The following DPP6 variants were observed in gnomAD, a reference collection of about 807,000 sequenced individuals.
DPP6 encodes dipeptidyl peptidase like 6.
A neutral mutation model predicts 122.6 loss-of-function variants in DPP6; 69 were observed. The ratio of observed to expected loss-of-function variants is 0.56; its 90% confidence interval spans 0.46 to 0.69. The LOEUF is 0.69. Among genes scored for constraint, DPP6 ranks in the 30% least tolerant of loss-of-function variants. The pLI is 0.00. For synonymous variants in DPP6, 418 were observed against 433.1 expected (o/e 0.97, Z 0.43); for missense variants, 928 against 1,116.9 (o/e 0.83, Z 2.41).
intron 16 of DPP6, among the ~76,000 whole-genome samples, chr7:154,814,150 G>T (rs1799266537): frequency 6.6e-6 from 1 of 151,860 alleles, no homozygotes; most frequent in Non-Finnish European, 1.5e-5. Flanking sequence ...CAAAGTACTG[G>T]GATTACAGGC....
chr7:153,759,464 G>A, the DPP6 span, among the ~76,000 whole-genome samples: 2 of 152,000 alleles, frequency 1.3e-5, no homozygotes, highest in Non-Finnish European at 2.9e-5. Context: ...TGGGACTACA[G>A]GCACGCACCA....
intron 7 of DPP6, among the ~76,000 whole-genome samples, chr7:154,683,264 C>G (rs892182993): frequency 6.6e-6 from 1 of 152,120 alleles, no homozygotes; most frequent in Non-Finnish European, 1.5e-5. Flanking sequence ...CTAGAGCCTG[C>G]GCCTGTCCCG....
the DPP6 span, among the ~76,000 whole-genome samples, chr7:153,850,187 C>T: frequency 6.6e-6 from 1 of 152,158 alleles, no homozygotes; most frequent in Admixed American, 6.5e-5. Context: ...GCTTCAGGGC[C>T]TCACAAGGCT....
rs193180123 is a variant in DPP6, at chr7:154,374,360, G to A, written c.244-71854G>A. Among the ~76,000 whole-genome samples the A allele has an allele frequency of 1.7e-4, 26 of 152,310 alleles. 1 individual carries two copies. The highest frequency in any genetic ancestry group is 1.6e-3 in the Admixed American group (25 of 15,292). On this transcript the variant is annotated intron_variant, in intron 1 of 25. Transcript: ENST00000377770. Reference sequence around the variant, plus strand: ...CTAAGTGTCTGCCCTCCCCTGGAGTGTGGTATCATCACTGTCACTGTTGCA... The same window carrying A: ...CTAAGTGTCTGCCCTCCCCTGGAGTATGGTATCATCACTGTCACTGTTGCA...
At chr7:154,223,277 T>G (rs1800410183) in intron 1 of DPP6, among the ~76,000 whole-genome samples, 2 of 149,450 alleles carry the variant, frequency 1.3e-5, no homozygotes, top group Non-Finnish European at 2.9e-5. Flanking sequence ...TAAACACGTG[T>G]GCTTACTACC....
chr7:154,519,873 C>T (rs1287906858), intron 3 of DPP6, among the ~76,000 whole-genome samples: 1 of 152,200 alleles, frequency 6.6e-6, no homozygotes, highest in Non-Finnish European at 1.5e-5. Context: ...TTTCAGAGAT[C>T]TGAGTGCCGC....
intron 3 of DPP6, among the ~76,000 whole-genome samples, chr7:154,476,426 C>T (rs1021083445): frequency 6.6e-6 from 1 of 152,222 alleles, no homozygotes; most frequent in African/African-American, 2.4e-5. Flanking sequence ...ACACCCGCTG[C>T]ATCAGCAAAT....
chr7:154,005,466 GA>G lies in DPP6; in HGVS notation c.51+117736del, dbSNP rs1797873069. 2.4e-4 allele frequency among the ~76,000 whole-genome samples: 37 copies of G among 151,900 alleles called. 1 individual carries two copies. In the South Asian group the frequency reaches 7.8e-3, roughly 32 times the overall value. Reference sequence around the variant, plus strand: ...TGACTTTTAAGAATACTCTGAAAATGAAAATGGATTTCCTGGGAAGGAAGTA... The same window carrying G: ...TGACTTTTAAGAATACTCTGAAAATGAAATGGATTTCCTGGGAAGGAAGTA... On this transcript the variant is annotated intron_variant, in intron 1 of 25. Transcript: ENST00000404039.
intron 1 of DPP6, among the ~76,000 whole-genome samples, chr7:153,932,098 T>C (rs1801195455): frequency 6.6e-6 from 1 of 150,672 alleles, no homozygotes; most frequent in Admixed American, 6.7e-5. Flanking sequence ...TGTTTGCTAC[T>C]TGGCTTTGAT....
intron 1 of DPP6, among the ~76,000 whole-genome samples, chr7:153,893,626 T>TA (rs1799295512): frequency 6.6e-6 from 1 of 152,202 alleles, no homozygotes; most frequent in African/African-American, 2.4e-5. Context: ...AATGGAAACT[T>TA]AGGCTCAGTT....
rs1465396798 is a variant in DPP6 at position 154,607,699 on chromosome 7, G to A, written c.628-30122G>A. On this transcript the variant is annotated intron_variant, in intron 5 of 25. Transcript: ENST00000377770. ...GAAAACATGAACTTATTATAGTCCT[G>A]TAAATGTATTTTCTTTTCCTTATGA... 1.7e-5 allele frequency among the ~76,000 whole-genome samples: 2 copies of A among 116,386 alleles called. 1 individual carries two copies. Among genetic ancestry groups the A allele is most frequent in the Non-Finnish European group, 3.8e-5 (2 of 52,696 alleles). The allele number at this position is 116,386 out of a possible 152,430, so 76.4% of individuals were successfully genotyped here. A position where few individuals can be genotyped will look rare whatever the true frequency, so the allele number is the denominator to read the frequency against.
intron 1 of DPP6, among the ~76,000 whole-genome samples, chr7:154,291,598 T>C (rs1169800446): frequency 6.6e-6 from 1 of 152,224 alleles, no homozygotes; most frequent in African/African-American, 2.4e-5. Flanking sequence ...GCTTTGAAGC[T>C]TCAGTCTGCC....
intron 1 of DPP6, among the ~76,000 whole-genome samples, chr7:154,191,065 A>C (rs930192934): frequency 6.6e-6 from 1 of 152,258 alleles, no homozygotes; most frequent in Non-Finnish European, 1.5e-5. Context: ...AGAGAAAGTC[A>C]GTGAACAACT....
intron 5 of DPP6, among the ~76,000 whole-genome samples, chr7:154,612,969 C>A (rs1402278316): frequency 6.6e-6 from 1 of 152,152 alleles, no homozygotes; most frequent in East Asian, 1.9e-4. Flanking sequence ...TGGCATGGTC[C>A]ATTTCTGGTG....
intron 17 of DPP6, among the ~76,000 whole-genome samples, chr7:154,854,543 G>A (rs1176620445): frequency 6.6e-6 from 1 of 152,180 alleles, no homozygotes; most frequent in Admixed American, 6.5e-5. Context: ...AGTTACGGAG[G>A]GTGATCAGAT....
At chr7:154,217,467 T>A (rs1490809882) in intron 1 of DPP6, among the ~76,000 whole-genome samples, 2 of 152,214 alleles carry the variant, frequency 1.3e-5, no homozygotes, top group African/African-American at 4.8e-5. Context: ...TGTTAGTGTG[T>A]AAATTGGGCA....
chr7:154,248,540 A>G (rs949581947), intron 1 of DPP6, among the ~76,000 whole-genome samples: 4 of 152,224 alleles, frequency 2.6e-5, no homozygotes, highest in African/African-American at 9.6e-5. Context: ...ATTTGAGGGT[A>G]TGCACCAAAT....
chr7:154,330,622 A>G (rs938708050), intron 1 of DPP6, among the ~76,000 whole-genome samples: 15 of 152,218 alleles, frequency 9.9e-5, no homozygotes, highest in African/African-American at 3.4e-4. Context: ...ATTTTCAACA[A>G]TGGAGCAAAC....
chr7:154,689,728 C>G (rs1190204942), intron 7 of DPP6, among the ~76,000 whole-genome samples: 1 of 152,160 alleles, frequency 6.6e-6, no homozygotes, highest in Non-Finnish European at 1.5e-5. Flanking sequence ...TACCAATTCA[C>G]TTCAACAAAT....
Sources: gnomAD v4.1 joint callset for allele counts (sites outside exome capture counted in the v4.1 genomes callset) on GRCh38, gnomAD v4.1.1 for gene constraint, MANE v1.5 for transcripts, NCBI Gene and HGNC (gene_info 2026-07-23, HGNC 2026-07-21) for gene names.